The following AFF3 variants were observed in gnomAD, a reference collection of about 807,000 sequenced individuals.
AFF3 encodes ALF transcription elongation factor 3.
In AFF3, 32 loss-of-function variants were observed where a neutral mutation model predicts 129.7. The observed-to-expected ratio is 0.25, with a 90% confidence interval of 0.19 to 0.33. AFF3 has a LOEUF of 0.33. Ranked by LOEUF, AFF3 falls within the 10% of genes least tolerant of loss-of-function variation. The pLI, the probability that AFF3 is intolerant of heterozygous loss-of-function variation, is 1.00. For synonymous variants in AFF3, 644 were observed against 635.4 expected (o/e 1.01, Z -0.20); for missense variants, 1,373 against 1,592.0 (o/e 0.86, Z 2.34).
chr2:99,787,532 G>A (rs1293664057), intron 8 of AFF3, among the ~76,000 whole-genome samples: 1 of 152,176 alleles, frequency 6.6e-6, no homozygotes, highest in African/African-American at 2.4e-5. Flanking sequence ...CCCAGCCCTT[G>A]CCACAGACAG....
chr2:99,880,424 T>C (rs1228526507), intron 7 of AFF3, among the ~76,000 whole-genome samples: 1 of 152,174 alleles, frequency 6.6e-6, no homozygotes, highest in East Asian at 1.9e-4. Context: ...AACAGACACC[T>C]GACCTTTTAT....
At chr2:99,900,803 G>C (rs1694289714) in intron 7 of AFF3, among the ~76,000 whole-genome samples, 1 of 152,220 alleles carries the variant, frequency 6.6e-6, no homozygotes, top group East Asian at 1.9e-4. Context: ...CATGGGTACA[G>C]TCAAAGGGGG....
chr2:100,008,480 A>G (rs1682185882), intron 5 of AFF3, among the ~76,000 whole-genome samples: 1 of 151,814 alleles, frequency 6.6e-6, no homozygotes, highest in Non-Finnish European at 1.5e-5. Flanking sequence ...TTTGTTTCCT[A>G]CGATCTGAGA....
chr2:99,777,947 C>CAAAAAAAAAAAAGA (rs1684052521), intron 8 of AFF3, among the ~76,000 whole-genome samples: 1 of 48,340 alleles, frequency 2.1e-5, no homozygotes, highest in Admixed American at 2.9e-4. Flanking sequence ...AAAGCAAAAG[C>CAAAAAAAAAAAAGA]AAAAAAAAAA....
chr2:100,107,376 A>C (rs971287756), intron 2 of AFF3: 2 of 985,326 alleles, frequency 2.0e-6, no homozygotes, highest in African/African-American at 3.5e-5. Context: ...CTAGTTGTCA[A>C]AATTTTAACT....
At chr2:100,011,939 T>C (rs769596996) in intron 4 of AFF3, among the ~76,000 whole-genome samples, 32 of 152,078 alleles carry the variant, frequency 2.1e-4, no homozygotes, top group Admixed American at 6.6e-4. Context: ...TGCTCCTCTT[T>C]AACTAAACCT....
chr2:100,099,812 A>C (rs1690583038), intron 4 of AFF3, among the ~76,000 whole-genome samples: 1 of 152,232 alleles, frequency 6.6e-6, no homozygotes. Flanking sequence ...AAAAAAGAGA[A>C]AGAAAGAGGA....
rs555230053 is a variant in AFF3 at position 99,659,737 on chromosome 2, A to G, written c.1144-10071T>C. Among the ~76,000 whole-genome samples, 8 of 152,246 alleles carry G rather than the reference A, an allele frequency of 5.3e-5. No homozygotes were observed. The East Asian group carries it at 1.5e-3, about 29-fold the overall frequency. ...TGAGGCGATCGTATGCACACGATGAAGCTTTGCATAAAGGTGATACTGACG... is the reference window on the plus strand; with the variant it reads ...TGAGGCGATCGTATGCACACGATGAGGCTTTGCATAAAGGTGATACTGACG... On this transcript the variant is annotated intron_variant, in intron 12 of 24. Transcript: ENST00000672756.
chr2:99,863,953 A>C (rs1691186323), intron 7 of AFF3, among the ~76,000 whole-genome samples: 1 of 152,250 alleles, frequency 6.6e-6, no homozygotes, highest in South Asian at 2.1e-4. Context: ...TCAGAATATC[A>C]GGAAACAGAA....
intron 7 of AFF3, among the ~76,000 whole-genome samples, chr2:99,841,391 A>G (rs1420628436): frequency 6.6e-6 from 1 of 152,232 alleles, no homozygotes; most frequent in Non-Finnish European, 1.5e-5. Flanking sequence ...GTCTGGACAG[A>G]CATCAGGTCA....
At chr2:99,701,322 G>T (rs1558764100) in intron 11 of AFF3, among the ~76,000 whole-genome samples, 1 of 152,158 alleles carries the variant, frequency 6.6e-6, no homozygotes, top group African/African-American at 2.4e-5. Flanking sequence ...AGGAAAGAAC[G>T]TCTCTTCGGT....
In AFF3 at chr2:100,022,935, G is replaced by T. The variant is rs551600916; in HGVS notation, c.54-14003C>A. ...GTATACACAGGAAGAGATAGGGGGAGACACTTCACATTTCTCCCCATCCTT... is the reference window on the plus strand; with the variant it reads ...GTATACACAGGAAGAGATAGGGGGATACACTTCACATTTCTCCCCATCCTT... On this transcript the variant is annotated intron_variant, in intron 4 of 24. Coordinates refer to ENST00000672756, the MANE Select transcript of AFF3 (RefSeq NM_001386135.1). Among the ~76,000 whole-genome samples the T allele has an allele frequency of 2.8e-4, 42 of 152,336 alleles. No homozygotes were observed. The South Asian group carries it at 8.3e-3, about 30-fold the overall frequency.
At chr2:99,636,871 A>G (rs1406473176) in intron 13 of AFF3, among the ~76,000 whole-genome samples, 1 of 152,214 alleles carries the variant, frequency 6.6e-6, no homozygotes, top group Non-Finnish European at 1.5e-5. Context: ...AAGGCCAGCC[A>G]GCCCAGTGCA....
chr2:99,816,744 G>C (rs72956193), intron 8 of AFF3, among the ~76,000 whole-genome samples: 12,943 of 152,084 alleles, frequency 0.085, 1,850 homozygotes, highest in African/African-American at 0.29. Flanking sequence ...CTCTGAACAA[G>C]AGTCTTGGTG....
intron 22 of AFF3, among the ~76,000 whole-genome samples, chr2:99,555,813 A>G (rs911392129): frequency 6.6e-6 from 1 of 152,200 alleles, no homozygotes; most frequent in African/African-American, 2.4e-5. Flanking sequence ...TTAAAATGGC[A>G]AGAAATGGCC....
rs771583669 is a variant in AFF3 at position 99,554,717 on chromosome 2, C to T, written c.3301G>A (p.Ala1101Thr). 1.8e-5 allele frequency: 29 copies of T among 1,614,046 alleles called. No homozygotes were observed. Among genetic ancestry groups the T allele is most frequent in the East Asian group, 4.5e-5 (2 of 44,892 alleles). ...GCCCCCCACGGAGATGGGGCTTGGG[C>T]GGCTTTAGATGAGTTCTGCAAGAAA... ...IDYFKNSSKA[A>T]QAPSPWGASG... The change falls in exon 23 of 25, where the codon GCC (alanine) becomes ACC (threonine). Residue 1101 changes from alanine to threonine, a missense_variant. Physicochemically the swap from Ala to Thr is moderately conservative, Grantham distance 58. Transcript: ENST00000672756.
chr2:99,940,411 G>A (rs536896987), intron 7 of AFF3, among the ~76,000 whole-genome samples: 16 of 152,260 alleles, frequency 1.1e-4, no homozygotes, highest in African/African-American at 3.1e-4. Flanking sequence ...CTAAGTCACA[G>A]GAAGAGACAG....
At chr2:99,691,524 AC>A (rs751284169) in intron 11 of AFF3, among the ~76,000 whole-genome samples, 1 of 151,584 alleles carries the variant, frequency 6.6e-6, no homozygotes, top group Non-Finnish European at 1.5e-5. Context: ...TGTGCACCAG[AC>A]CAACTGCTGC....
intron 11 of AFF3, among the ~76,000 whole-genome samples, chr2:99,680,574 T>C (rs374886002): frequency 9.9e-5 from 15 of 152,202 alleles, no homozygotes; most frequent in African/African-American, 2.7e-4. Context: ...TACGTATTTA[T>C]ATGGCTCAAA....
Sources: gnomAD v4.1 joint callset for allele counts (sites outside exome capture counted in the v4.1 genomes callset) on GRCh38, gnomAD v4.1.1 for gene constraint, MANE v1.5 for transcripts, NCBI Gene and HGNC (gene_info 2026-07-23, HGNC 2026-07-21) for gene names.